The following EYS variants were observed in gnomAD, a reference collection of about 807,000 sequenced individuals.
The protein encoded by EYS is protein eyes shut homolog.
In EYS, 250 loss-of-function variants were observed where a neutral mutation model predicts 282.1. That is an observed-to-expected ratio of 0.89 (90% CI 0.80 to 0.98). The LOEUF (loss-of-function observed/expected upper bound fraction) is 0.98. Among genes scored for constraint, EYS ranks in the 50% least tolerant of loss-of-function variants. EYS has a pLI of 0.00. For synonymous variants in EYS, 1,355 were observed against 1,282.9 expected (o/e 1.06, Z -1.20); for missense variants, 4,016 against 3,709.0 (o/e 1.08, Z -2.15).
intron 28 of EYS, among the ~76,000 whole-genome samples, chr6:64,392,797 T>C (rs1265383070): frequency 2.7e-5 from 4 of 150,148 alleles, no homozygotes; most frequent in Non-Finnish European, 5.9e-5. Flanking sequence ...CTGAAGGAAA[T>C]AGAGACACAA....
chr6:65,513,394 T>TATTC lies in EYS; in HGVS notation c.-332-17405_-332-17402dup, dbSNP rs1470140286. Among the ~76,000 whole-genome samples the TATTC allele has an allele frequency of 2.2e-4, 33 of 152,242 alleles. No individual in the cohort carries two copies. The East Asian group carries it at 6.0e-3, about 28-fold the overall frequency. On this transcript the variant is annotated intron_variant, in intron 2 of 42. Transcript: ENST00000503581. ...GAACTGGTACCATTCCTTCTGAAAC[T>TATTC]ATTCCAATCAATAGAAAAAGAGGGA... is the stretch of plus-strand genomic sequence containing the variant.
chr6:63,855,160 T>A, intron 36 of EYS, among the ~76,000 whole-genome samples: 1 of 152,254 alleles, frequency 6.6e-6, no homozygotes, highest in East Asian at 1.9e-4. Context: ...AATAGAGTAC[T>A]GTGTAGTGAT....
chr6:64,906,523 T>C (rs1767831633), intron 16 of EYS, among the ~76,000 whole-genome samples: 1 of 152,304 alleles, frequency 6.6e-6, no homozygotes, highest in South Asian at 2.1e-4. Flanking sequence ...CCTTAGGTAA[T>C]GTGGAATTAA....
chr6:65,325,992 C>G (rs1039214363), intron 11 of EYS, among the ~76,000 whole-genome samples: 17 of 152,054 alleles, frequency 1.1e-4, no homozygotes, highest in African/African-American at 4.1e-4. Flanking sequence ...GCTTCCTCTC[C>G]CATGCTCTTT....
At chr6:65,605,327 G>A (rs1003022369) in intron 2 of EYS, among the ~76,000 whole-genome samples, 8 of 151,512 alleles carry the variant, frequency 5.3e-5, no homozygotes, top group Admixed American at 1.3e-4. Flanking sequence ...CTTCATTGTC[G>A]ATCACATTTA....
intron 22 of EYS, among the ~76,000 whole-genome samples, chr6:64,789,838 A>G (rs2149999467): frequency 6.6e-6 from 1 of 151,976 alleles, no homozygotes; most frequent in East Asian, 1.9e-4. Context: ...ATAAGCCAGC[A>G]TCCAATGACT....
At chr6:63,784,318 C>G (rs181955534) in intron 39 of EYS, among the ~76,000 whole-genome samples, 4 of 152,134 alleles carry the variant, frequency 2.6e-5, no homozygotes, top group East Asian at 1.9e-4. Context: ...TCTGGAGATG[C>G]CTGACTAATA....
At chr6:65,545,008 G>A (rs1768329185) in intron 2 of EYS, among the ~76,000 whole-genome samples, 1 of 151,936 alleles carries the variant, frequency 6.6e-6, no homozygotes, top group South Asian at 2.1e-4. Flanking sequence ...AAGTATTAAG[G>A]CAGTTACTTG....
At chr6:64,598,235 C>T (rs1484558058) in intron 24 of EYS, among the ~76,000 whole-genome samples, 2 of 152,098 alleles carry the variant, frequency 1.3e-5, no homozygotes, top group African/African-American at 4.8e-5. Context: ...CCCAGGTGGG[C>T]GGATCACAAG....
chr6:64,901,294 G>GTATATATACATATA (rs1554216266), intron 18 of EYS, among the ~76,000 whole-genome samples: 1 of 127,720 alleles, frequency 7.8e-6, no homozygotes, highest in African/African-American at 3.2e-5. Context: ...ATGTAGTTGA[G>GTATATATACATATA]TATATATATA....
At chr6:63,818,930 A>G (rs1771250455) in intron 36 of EYS, among the ~76,000 whole-genome samples, 1 of 152,218 alleles carries the variant, frequency 6.6e-6, no homozygotes, top group Admixed American at 6.5e-5. Flanking sequence ...GTCTCCTTCC[A>G]TCCAAAAATA....
At chr6:63,749,213 T>C (rs1255651492) in intron 41 of EYS, among the ~76,000 whole-genome samples, 4 of 152,230 alleles carry the variant, frequency 2.6e-5, no homozygotes, top group Non-Finnish European at 5.9e-5. Context: ...AAAGAACTTC[T>C]TGATTTCTAT....
chr6:64,043,962 C>A (rs1461816030), intron 33 of EYS, among the ~76,000 whole-genome samples: 1 of 152,186 alleles, frequency 6.6e-6, no homozygotes, highest in African/African-American at 2.4e-5. Context: ...CAACTCCACA[C>A]GTAACTTGAG....
At chr6:64,336,196 A>C (rs1770845712) in intron 29 of EYS, among the ~76,000 whole-genome samples, 1 of 152,194 alleles carries the variant, frequency 6.6e-6, no homozygotes, top group Non-Finnish European at 1.5e-5. Flanking sequence ...AGAACTGCAG[A>C]AGGGATAGAA....
At chr6:64,975,963 T>C (rs1770464590) in intron 14 of EYS, among the ~76,000 whole-genome samples, 1 of 151,940 alleles carries the variant, frequency 6.6e-6, no homozygotes, top group South Asian at 2.1e-4. Context: ...TTTTCAGTAA[T>C]ATCTATAGAG....
At chr6:65,035,114 C>T (rs1772726710) in intron 13 of EYS, among the ~76,000 whole-genome samples, 1 of 152,092 alleles carries the variant, frequency 6.6e-6, no homozygotes, top group African/African-American at 2.4e-5. Flanking sequence ...ACAAAACCCA[C>T]ATGATCATCT....
chr6:65,015,688 G>T (rs924929115), intron 13 of EYS, among the ~76,000 whole-genome samples: 1 of 151,718 alleles, frequency 6.6e-6, no homozygotes, highest in Non-Finnish European at 1.5e-5. Context: ...TTTTTTATTA[G>T]TTTTTTACAA....
At chr6:65,046,596 A>T (rs550893469) in intron 13 of EYS, among the ~76,000 whole-genome samples, 2 of 151,930 alleles carry the variant, frequency 1.3e-5, no homozygotes, top group Non-Finnish European at 1.5e-5. Flanking sequence ...GATTCCAAGA[A>T]TAATTTTTGA....
At chr6:64,350,695 A>G (rs759244377) in intron 29 of EYS, among the ~76,000 whole-genome samples, 1 of 151,650 alleles carries the variant, frequency 6.6e-6, no homozygotes, top group African/African-American at 2.4e-5. Flanking sequence ...GAAGATACTT[A>G]CATCCTCAAA....
Sources: allele counts gnomAD v4.1 joint callset (sites outside exome capture counted in the v4.1 genomes callset), GRCh38; gene constraint gnomAD v4.1.1; transcripts MANE v1.5; gene names NCBI Gene and HGNC (gene_info 2026-07-23, HGNC 2026-07-21).